Variants in MEOX2 observed in about 807,000 individuals in gnomAD.
MEOX2 encodes mesenchyme homeobox 2.
MEOX2 carries 11 observed loss-of-function variants against 27.0 expected under a neutral mutation model. That is an observed-to-expected ratio of 0.41 (90% CI 0.26 to 0.68). The LOEUF is 0.68. Among genes scored for constraint, MEOX2 ranks in the 30% least tolerant of loss-of-function variants. The pLI, the probability that MEOX2 is intolerant of heterozygous loss-of-function variation, is 0.33. For synonymous variants in MEOX2, 189 were observed against 155.4 expected (o/e 1.22, Z -1.61); for missense variants, 436 against 385.4 (o/e 1.13, Z -1.10).
chr7:15,629,659 C>T (rs1781370510), intron 1 of MEOX2, among the ~76,000 whole-genome samples: 1 of 152,040 alleles, frequency 6.6e-6, no homozygotes, highest in Non-Finnish European at 1.5e-5. Flanking sequence ...CTACTTTTAC[C>T]CTTGTAGTGT....
At chr7:15,644,451 A>G (rs1781612081) in intron 1 of MEOX2, among the ~76,000 whole-genome samples, 1 of 152,168 alleles carries the variant, frequency 6.6e-6, no homozygotes, top group South Asian at 2.1e-4. Flanking sequence ...AATCTAAAAG[A>G]GCAAAATCCT....
At chr7:15,653,341 T>C (rs1781769417) in intron 1 of MEOX2, among the ~76,000 whole-genome samples, 1 of 152,050 alleles carries the variant, frequency 6.6e-6, no homozygotes, top group South Asian at 2.1e-4. Context: ...TTTTTTATTG[T>C]TGAGACTTGA....
At chr7:15,622,030 T>C (rs1238963477) in intron 2 of MEOX2, among the ~76,000 whole-genome samples, 1 of 152,028 alleles carries the variant, frequency 6.6e-6, no homozygotes, top group Non-Finnish European at 1.5e-5. Flanking sequence ...AGGAAGAGAA[T>C]TGCTTGAACC....
intron 1 of MEOX2, among the ~76,000 whole-genome samples, chr7:15,650,378 T>C (rs1269609610): frequency 2.0e-5 from 3 of 152,090 alleles, no homozygotes; most frequent in Non-Finnish European, 2.9e-5. Context: ...TGTGCTAAGA[T>C]TACTGCAATA....
chr7:15,674,249 A>T (rs1782156524), intron 1 of MEOX2, among the ~76,000 whole-genome samples: 1 of 152,170 alleles, frequency 6.6e-6, no homozygotes, highest in Non-Finnish European at 1.5e-5. Flanking sequence ...TCAAAATAAT[A>T]CTACATGTTG....
chr7:15,686,064 G>A lies in MEOX2; in HGVS notation c.339C>T (p.Asp113=), dbSNP rs528476147. Residue 113 remains aspartate (D), a synonymous_variant, in exon 1 of 3, where the codon GAC becomes GAT. Transcript: ENST00000262041. ...AARHSLCLQP[D]SGGPPELGSS... is the part of the protein sequence containing the mutation. ...TCCCCAACTCTGGGGGCCCTCCAGA[G>A]TCGGGCTGGAGGCAGAGGCTGTGCC... 6.3e-7 allele frequency: 1 copy of A among 1,599,550 alleles called. No individual in the cohort carries two copies. The highest frequency in any genetic ancestry group is 1.1e-5 in the South Asian group (1 of 90,276).
chr7:15,658,100 G>A (rs1375167057), intron 1 of MEOX2, among the ~76,000 whole-genome samples: 3 of 152,218 alleles, frequency 2.0e-5, no homozygotes, highest in Non-Finnish European at 4.4e-5. Context: ...AGGTGGAGTC[G>A]TCCTCGTTAA....
chr7:15,617,501 C>T (rs929426573), intron 2 of MEOX2, among the ~76,000 whole-genome samples: 1 of 151,854 alleles, frequency 6.6e-6, no homozygotes, highest in Non-Finnish European at 1.5e-5. Flanking sequence ...AGCAAGAATG[C>T]TTAAAAGTAA....
chr7:15,616,265 CAACA>C (rs1208283490), intron 2 of MEOX2, among the ~76,000 whole-genome samples: 1 of 151,348 alleles, frequency 6.6e-6, no homozygotes, highest in African/African-American at 2.4e-5. Flanking sequence ...CAAAAAATTG[CAACA>C]AATACATAAT....
chr7:15,620,527 C>G lies in MEOX2; in HGVS notation c.690+6219G>C, dbSNP rs1313883443. On this transcript the variant is annotated intron_variant, in intron 2 of 2. Coordinates refer to ENST00000262041, the MANE Select transcript of MEOX2 (RefSeq NM_005924.5). Reference sequence around the variant, plus strand: ...GGCGGAGCTTGCAGTGAGCCGAGATCAAGCCACTGCACTCCAGCCTGGGTG... The same window carrying G: ...GGCGGAGCTTGCAGTGAGCCGAGATGAAGCCACTGCACTCCAGCCTGGGTG... Among the ~76,000 whole-genome samples the G allele has an allele frequency of 3.3e-5, 5 of 152,074 alleles. No homozygotes were observed. In the East Asian group the frequency reaches 9.7e-4, roughly 29 times the overall value.
chr7:15,644,731 T>C (rs964594387), intron 1 of MEOX2, among the ~76,000 whole-genome samples: 15 of 152,190 alleles, frequency 9.9e-5, no homozygotes, highest in Admixed American at 5.9e-4. Flanking sequence ...TTATGCAATA[T>C]ATGAATCTTT....
At chr7:15,662,678 C>T (rs577375728) in intron 1 of MEOX2, among the ~76,000 whole-genome samples, 26 of 152,234 alleles carry the variant, frequency 1.7e-4, no homozygotes, top group African/African-American at 6.0e-4. Context: ...TGGCTTAGAA[C>T]AATGGAGCAG....
Position 15,667,359 on chromosome 7 carries a change from C to G in MEOX2, c.517+18527G>C, listed in dbSNP as rs1345940951. ...GAGTTGAGGCAGCTGCCACCCTTTT[C>G]CTGGAAACTCCCTGGATTTCTCTGA... On this transcript the variant is annotated intron_variant, in intron 1 of 2. Transcript: ENST00000262041. 2.7e-5 allele frequency among the ~76,000 whole-genome samples: 4 copies of G among 150,172 alleles called. No homozygotes were observed. The South Asian group carries it at 8.4e-4, about 32-fold the overall frequency.
intron 1 of MEOX2, among the ~76,000 whole-genome samples, chr7:15,663,814 G>T (rs568235092): frequency 6.6e-6 from 1 of 152,088 alleles, no homozygotes; most frequent in Non-Finnish European, 1.5e-5. Context: ...ATCATAGCTC[G>T]TAGTAATAGC....
chr7:15,624,591 T>A (rs1781269389), intron 2 of MEOX2, among the ~76,000 whole-genome samples: 1 of 152,234 alleles, frequency 6.6e-6, no homozygotes. Context: ...CAAGCTAGCC[T>A]ATAAGAAGAT....
chr7:15,633,972 C>T (rs1056604513), intron 1 of MEOX2, among the ~76,000 whole-genome samples: 3 of 151,912 alleles, frequency 2.0e-5, no homozygotes, highest in Non-Finnish European at 4.4e-5. Flanking sequence ...GGAAAAGTAT[C>T]ATTTATTATT....
At chr7:15,632,026 T>A (rs1465414174) in intron 1 of MEOX2, among the ~76,000 whole-genome samples, 5 of 151,280 alleles carry the variant, frequency 3.3e-5, no homozygotes, top group African/African-American at 9.7e-5. Flanking sequence ...ATTTGAAAAA[T>A]TTGCAAACAC....
chr7:15,665,949 C>A (rs560060401), intron 1 of MEOX2, among the ~76,000 whole-genome samples: 1 of 152,138 alleles, frequency 6.6e-6, no homozygotes, highest in Non-Finnish European at 1.5e-5. Context: ...TTAGGGGTGC[C>A]ACTTTCTGAG....
chr7:15,612,158 C>A lies in MEOX2; in HGVS notation c.*229G>T, dbSNP rs1436523405. On this transcript the variant is annotated 3_prime_UTR_variant, in exon 3 of 3. Coordinates refer to ENST00000262041, the MANE Select transcript of MEOX2 (RefSeq NM_005924.5). ...CTGCCATACGCACGACCAAACACAT[C>A]TGGAATATTCAAAGCAAGTTCACCT... 2 of 573,036 alleles carry A rather than the reference C, an allele frequency of 3.5e-6. No individual in the cohort carries two copies. The highest frequency in any genetic ancestry group is 3.1e-6 in the Non-Finnish European group (1 of 321,124). The allele number at this position is 573,036 out of a possible 1,614,324, so 35.5% of individuals were successfully genotyped here. A position where few individuals can be genotyped will look rare whatever the true frequency, so the allele number is the denominator to read the frequency against.
Sources: allele counts gnomAD v4.1 joint callset (sites outside exome capture counted in the v4.1 genomes callset), GRCh38; gene constraint gnomAD v4.1.1; transcripts MANE v1.5; gene names NCBI Gene and HGNC (gene_info 2026-07-23, HGNC 2026-07-21).